Variants in BFSP1 observed in about 807,000 individuals in gnomAD.
BFSP1 encodes the protein filensin.
A neutral mutation model predicts 43.9 loss-of-function variants in BFSP1; 38 were observed. The ratio of observed to expected loss-of-function variants is 0.87; its 90% CI spans 0.67 to 1.14. The LOEUF (loss-of-function observed/expected upper bound fraction) is 1.14, where lower values mean the gene tolerates loss of function less well. BFSP1 is among the 50% of genes most tolerant of loss of function. BFSP1 has a pLI of 0.00. For synonymous variants in BFSP1, 352 were observed against 354.8 expected (o/e 0.99, Z 0.09); for missense variants, 850 against 875.1 (o/e 0.97, Z 0.36).
intron 1 of BFSP1, among the ~76,000 whole-genome samples, chr20:17,545,951 T>C (rs1030555337): frequency 3.9e-5 from 6 of 152,236 alleles, no homozygotes; most frequent in African/African-American, 1.4e-4. Context: ...GAAAATGTGC[T>C]ACTCTGTGAC....
At chr20:17,496,781 C>T (rs995417658) in intron 7 of BFSP1, among the ~76,000 whole-genome samples, 157 bp downstream of exon 7, 1 of 152,136 alleles carries the variant, frequency 6.6e-6, no homozygotes, top group African/African-American at 2.4e-5. Context: ...CTTAGCAAGC[C>T]AGAGAGGGCA....
intron 6 of BFSP1, among the ~76,000 whole-genome samples, chr20:17,497,858 G>A (rs572135905): frequency 3.9e-5 from 6 of 151,906 alleles, no homozygotes; most frequent in Non-Finnish European, 8.8e-5. Context: ...AATAAAAGAG[G>A]TATCCAGTCA....
At chr20:17,555,687 A>C (rs1026074457) in intron 1 of BFSP1, among the ~76,000 whole-genome samples, 4 of 152,166 alleles carry the variant, frequency 2.6e-5, no homozygotes, top group African/African-American at 9.7e-5. Context: ...CAAAACAATA[A>C]GAATTACAGA....
At chr20:17,536,599 T>C (rs980936296) in intron 1 of BFSP1, among the ~76,000 whole-genome samples, 17 of 152,266 alleles carry the variant, frequency 1.1e-4, no homozygotes, top group Non-Finnish European at 1.0e-4. Context: ...TTAACATTTT[T>C]CTTCACTAAC....
chr20:17,549,584 C>T (rs2034861791), intron 1 of BFSP1, among the ~76,000 whole-genome samples: 1 of 152,144 alleles, frequency 6.6e-6, no homozygotes, highest in African/African-American at 2.4e-5. Context: ...GCCTGTAATC[C>T]CAGCACTTTG....
At chr20:17,499,265 T>C (rs943122665) in intron 5 of BFSP1, among the ~76,000 whole-genome samples, 6 of 139,090 alleles carry the variant, frequency 4.3e-5, no homozygotes, top group African/African-American at 1.6e-4. Flanking sequence ...TTTTTTTTGA[T>C]AGAGGATCTC....
At chr20:17,509,636 G>A (rs6111553) in intron 4 of BFSP1, among the ~76,000 whole-genome samples, 69,152 of 151,992 alleles carry the variant, frequency 0.45, 16,502 homozygotes, top group African/African-American at 0.57. Context: ...TTCTGTGAAA[G>A]GGAAAACCTG....
intron 2 of BFSP1, chr20:17,516,907 C>T (rs890052206): frequency 4.6e-5 from 32 of 690,346 alleles, no homozygotes; most frequent in African/African-American, 3.9e-4. Context: ...CCCTCAGATA[C>T]GATAGAAAAT....
intron 7 of BFSP1, among the ~76,000 whole-genome samples, chr20:17,496,736 C>T (rs907514924): frequency 6.6e-6 from 1 of 152,142 alleles, no homozygotes; most frequent in Non-Finnish European, 1.5e-5. Context: ...GCCCCCTAGT[C>T]GATTTTTCTC....
chr20:17,498,505 C>A (rs1032541551), intron 6 of BFSP1, among the ~76,000 whole-genome samples: 5 of 152,204 alleles, frequency 3.3e-5, no homozygotes, highest in African/African-American at 4.8e-5. Context: ...ACACTTATGT[C>A]CCCAGAGGCC....
chr20:17,511,576 A>AG (rs2123486890), intron 4 of BFSP1, among the ~76,000 whole-genome samples: 1 of 152,332 alleles, frequency 6.6e-6, no homozygotes, highest in East Asian at 1.9e-4. Flanking sequence ...AGAAGAGCAA[A>AG]GACACACTAC....
chr20:17,548,985 AT>A (rs2034851128), intron 1 of BFSP1, among the ~76,000 whole-genome samples: 1 of 151,990 alleles, frequency 6.6e-6, no homozygotes, highest in Non-Finnish European at 1.5e-5. Flanking sequence ...TTTTTAAATT[AT>A]TTTTTGTAGA....
rs1351153126 is a variant in BFSP1 at position 17,526,056 on chromosome 20, A to G, written c.378-1148T>C. Among the ~76,000 whole-genome samples, 5 of 145,812 alleles carry G rather than the reference A, an allele frequency of 3.4e-5. No homozygotes were observed. The East Asian group carries it at 1.0e-3, about 30-fold the overall frequency. ...GTATCATACTAAACTGCTTAACCAGACCTTACACAAGTGAGAAACATTTTG... is the reference window on the plus strand; with the variant it reads ...GTATCATACTAAACTGCTTAACCAGGCCTTACACAAGTGAGAAACATTTTG... On this transcript the variant is annotated intron_variant, in intron 1 of 7. Transcript: ENST00000377873.
In BFSP1 at chr20:17,494,000, A is replaced by G. The variant is rs1258614730; in HGVS notation, c.*74T>C. 1 of 1,351,090 alleles carries G rather than the reference A, an allele frequency of 7.4e-7. No individual in the cohort carries two copies. Among genetic ancestry groups the G allele is most frequent in the African/African-American group, 1.5e-5 (1 of 68,350 alleles). The allele number at this position is 1,351,090 out of a possible 1,614,324, so 83.7% of individuals were successfully genotyped here. A position where few individuals can be genotyped will look rare whatever the true frequency, so the allele number is the denominator to read the frequency against. On this transcript the variant is annotated 3_prime_UTR_variant, in exon 8 of 8. Transcript: ENST00000377873. ...AAACAGGAACCCTCACCCTTTTATC[A>G]TTTGCTCTAAAATATCAAAGCATTA... is the stretch of plus-strand genomic sequence containing the variant.
At chr20:17,558,919 T>C in exon 1 of BFSP1, 1 of 444,850 alleles carries the variant, frequency 2.2e-6, no homozygotes. Context: ...ATAGAGAATA[T>C]AAATGAGCAA....
In BFSP1 at chr20:17,507,004, C is replaced by T. The variant is rs1204525430; in HGVS notation, c.735+1885G>A. ...GCCAGGAAGTCCTCCTGCAGCCACTCAGGACAGAAACAGGCGGCCAACCAG... is the reference window on the plus strand; with the variant it reads ...GCCAGGAAGTCCTCCTGCAGCCACTTAGGACAGAAACAGGCGGCCAACCAG... On this transcript the variant is annotated intron_variant, in intron 5 of 7. Coordinates refer to ENST00000377873, the MANE Select transcript of BFSP1 (RefSeq NM_001195.5). This position sits in a 1 kb window ranked among gnomAD's most constrained non-coding sequence, Gnocchi z 4.4. The T allele has an allele frequency of 6.6e-6, 1 of 152,178 alleles. No individual in the cohort carries two copies. The highest frequency in any genetic ancestry group is 1.5e-5 in the Non-Finnish European group (1 of 68,036). The allele number at this position is 152,178 out of a possible 1,614,324, so 9.4% of individuals were successfully genotyped here.
intron 3 of BFSP1, 73 bp downstream of exon 3, chr20:17,514,648 C>T (rs2034158487): frequency 6.9e-7 from 1 of 1,449,260 alleles, no homozygotes; most frequent in South Asian, 1.1e-5. Flanking sequence ...TTTTCAGCCA[C>T]AGTACCCTCG....
At chr20:17,534,689 T>C (rs1173360093), upstream of BFSP1, among the ~76,000 whole-genome samples, 1 of 152,180 alleles carries the variant, frequency 6.6e-6, no homozygotes, top group African/African-American at 2.4e-5. Flanking sequence ...TATGAAAATG[T>C]TCCAGATTAA....
At chr20:17,504,211 G>T (rs760451708) in intron 5 of BFSP1, among the ~76,000 whole-genome samples, 56 of 152,310 alleles carry the variant, frequency 3.7e-4, no homozygotes, top group Middle Eastern at 3.4e-3. Context: ...CTCCAACTCC[G>T]TACTGGTCGC....
Sources: allele counts gnomAD v4.1 joint callset (sites outside exome capture counted in the v4.1 genomes callset), GRCh38; gene constraint gnomAD v4.1.1; non-coding constraint Gnocchi (gnomAD v3.1); transcripts MANE v1.5; gene names NCBI Gene and HGNC (gene_info 2026-07-23, HGNC 2026-07-21).